CDKN2A: variants seen among roughly 807,000 people sequenced by gnomAD.
The protein encoded by CDKN2A is cyclin-dependent kinase inhibitor 2A.
In CDKN2A, 3 loss-of-function variants were observed where a neutral mutation model predicts 11.1. That is an observed-to-expected ratio of 0.27 (90% CI 0.12 to 0.70). CDKN2A has a LOEUF of 0.70. CDKN2A is among the 30% of genes least tolerant of loss of function. CDKN2A has a pLI of 0.77. For synonymous variants in CDKN2A, 122 were observed against 108.1 expected, an observed-to-expected ratio of 1.13 and a Z score of -0.80; for missense variants, 265 against 233.6, an observed-to-expected ratio of 1.13 and a Z score of -0.88.
rs564333206 is a variant in CDKN2A at position 21,987,125 on chromosome 9, T to C, written c.-4+6757A>G. Among the ~76,000 whole-genome samples the C allele has an allele frequency of 5.3e-5, 8 of 152,168 alleles. No individual in the cohort carries two copies. The East Asian group carries it at 1.2e-3, about 22-fold the overall frequency. On this transcript the variant is annotated intron_variant, in intron 2 of 3. Transcript: ENST00000494262. ...AAAGGCATGATATTTTAGTTTTTCT[T>C]ATAATTGTTACTTTTTAGCTTACAT... is the stretch of plus-strand genomic sequence containing the variant.
chr9:21,978,999 T>C (rs1357016910), upstream of CDKN2A, among the ~76,000 whole-genome samples: 1 of 152,122 alleles, frequency 6.6e-6, no homozygotes, highest in Admixed American at 6.6e-5. Flanking sequence ...AAGAGCAAAA[T>C]AAAGCACAGA....
At position 21,984,662 on chromosome 9, in the gene CDKN2A, A is replaced by C. The variant is rs3731217; in HGVS notation, c.-4+9220T>G. Among the ~76,000 whole-genome samples the C allele has an allele frequency of 0.12, 18,785 of 151,962 alleles. 1,273 individuals are homozygous for C. Among genetic ancestry groups the C allele is most frequent in the East Asian group, 0.19 (1,008 of 5,176 alleles). On this transcript the variant is annotated intron_variant, in intron 2 of 3. Transcript: ENST00000494262. ...AATAATAATGTATTCGGTTTTCACT[A>C]CTGGGAGTGGAGGTTTAATATTCAT...
At chr9:21,970,731 C>T in intron 2 of CDKN2A, 171 bp downstream of exon 2, 1 of 793,574 alleles carries the variant, frequency 1.3e-6, no homozygotes, top group Non-Finnish European at 2.0e-6. Flanking sequence ...TCCCATTTGC[C>T]GCCCTGGCGG....
At chr9:21,977,924 A>C (rs1227660948), upstream of CDKN2A, among the ~76,000 whole-genome samples, 1 of 152,138 alleles carries the variant, frequency 6.6e-6, no homozygotes, top group African/African-American at 2.4e-5. Context: ...AGAAGATGGG[A>C]GATGCAACCA....
intron 2 of CDKN2A, 176 bp downstream of exon 2, chr9:21,970,726 T>G: frequency 1.3e-6 from 1 of 755,808 alleles, no homozygotes; most frequent in Non-Finnish European, 2.2e-6. Context: ...TTATTTCCCA[T>G]TTGCCGCCCT....
In CDKN2A at chr9:21,970,951, GC is replaced by G. The variant is rs749588877; in HGVS notation, c.407del (p.Gly136AlafsTer10). The G allele has an allele frequency of 6.2e-7, 1 of 1,611,898 alleles. No individual in the cohort carries two copies. On this transcript the variant is annotated frameshift_variant, in exon 2 of 3. Transcript: ENST00000304494. LOFTEE classifies it low-confidence loss of function (END_TRUNC). ...TGCGGGCATGGTTACTGCCTCTGGTGCCCCCCGCAGCCGCGCGCAGGTACCG... is the reference window on the plus strand; with the variant it reads ...TGCGGGCATGGTTACTGCCTCTGGTGCCCCCGCAGCCGCGCGCAGGTACCG... ...VARYLRAAAG[G>X]TRGSNHARID...
intron 1 of CDKN2A, 53 bp from the exon 2 acceptor site, chr9:21,971,261 A>G (rs1819733111): frequency 6.4e-7 from 1 of 1,568,130 alleles, no homozygotes; most frequent in Non-Finnish European, 8.6e-7. Flanking sequence ...GCATGACGGA[A>G]AGGAAGCTTG....
chr9:21,973,185 G>A (rs1397646176), intron 1 of CDKN2A, among the ~76,000 whole-genome samples: 1 of 152,060 alleles, frequency 6.6e-6, no homozygotes, highest in Non-Finnish European at 1.5e-5. Context: ...AATCTAAAAA[G>A]TAACCCATAT....
rs1819511238 is a variant in CDKN2A at position 21,968,332 on chromosome 9, G to A, written c.458-90C>T. The A allele has an allele frequency of 5.8e-6, 9 of 1,549,200 alleles. No individual in the cohort carries two copies. Among genetic ancestry groups the A allele is most frequent in the Admixed American group, 1.7e-5 (1 of 58,028 alleles). On this transcript the variant is annotated intron_variant, in intron 2 of 2. Transcript: ENST00000304494. This position sits in a 1 kb window ranked among gnomAD's most constrained non-coding sequence, Gnocchi z 4.7. ...CCCTCCTCTCTTGCCGTCCCTACCG[G>A]CATTGAAATACTTATGGATAAAGTT...
chr9:21,990,685 A>C (rs1466596321), intron 2 of CDKN2A, among the ~76,000 whole-genome samples: 1 of 139,014 alleles, frequency 7.2e-6, no homozygotes, highest in African/African-American at 2.6e-5. Flanking sequence ...GCTTTAAAAA[A>C]ACCTGACTTT....
intron 2 of CDKN2A, among the ~76,000 whole-genome samples, chr9:21,990,265 T>C (rs1218415212): frequency 6.6e-6 from 1 of 151,846 alleles, no homozygotes; most frequent in African/African-American, 2.4e-5. Flanking sequence ...GATTTATGGG[T>C]TTTAAAATGG....
At chr9:21,992,939 TA>T (rs894410578) in intron 2 of CDKN2A, among the ~76,000 whole-genome samples, 54 of 152,060 alleles carry the variant, frequency 3.6e-4, no homozygotes, top group Non-Finnish European at 5.9e-5. Context: ...TTGACTAAAT[TA>T]AAAAAATTAA....
At chr9:21,987,626 G>GT (rs1441728802) in intron 2 of CDKN2A, among the ~76,000 whole-genome samples, 1 of 151,898 alleles carries the variant, frequency 6.6e-6, no homozygotes, top group African/African-American at 2.4e-5. Context: ...TAAAAATGTG[G>GT]TATCTACAAG....
chr9:21,971,526 T>C, intron 1 of CDKN2A: 1 of 418,520 alleles, frequency 2.4e-6, no homozygotes, highest in Non-Finnish European at 4.0e-6. Context: ...GTATTTCCCC[T>C]GAGATACAAC....
chr9:21,974,287 G>A lies in CDKN2A; in HGVS notation c.150+391C>T, dbSNP rs1011335119. 3.8e-5 allele frequency: 26 copies of A among 692,016 alleles called. No homozygotes were observed. In the African/African-American group the frequency reaches 3.8e-4, roughly 10 times the overall value. 42.9% of individuals were successfully genotyped at this position (692,016 alleles called of 1,614,324 possible). On this transcript the variant is annotated intron_variant, in intron 1 of 2. Transcript: ENST00000304494. The surrounding 1 kb of genome is among the most constrained non-coding windows in gnomAD (Gnocchi z 5.2). ...TAATCCCTCCTAGTAAGAAAGATAA[G>A]CTCCATCCAGGTATCTGTGAATTGG... is the stretch of plus-strand genomic sequence containing the variant.
intron 2 of CDKN2A, among the ~76,000 whole-genome samples, chr9:21,984,763 T>C (rs1270227108): frequency 3.3e-5 from 5 of 151,976 alleles, no homozygotes; most frequent in Admixed American, 3.3e-4. Flanking sequence ...GCTTTTCTCA[T>C]CAAATGGAGA....
At chr9:21,982,244 T>G (rs556395977) in intron 2 of CDKN2A, among the ~76,000 whole-genome samples, 1 of 152,292 alleles carries the variant, frequency 6.6e-6, no homozygotes, top group African/African-American at 2.4e-5. Context: ...TCCAAAATGT[T>G]AACTGGGTAT....
chr9:21,984,516 C>G (rs1006641970), intron 2 of CDKN2A, among the ~76,000 whole-genome samples: 1 of 152,030 alleles, frequency 6.6e-6, no homozygotes, highest in Non-Finnish European at 1.5e-5. Context: ...ATTTTCCCCT[C>G]TCAAATATGC....
chr9:21,972,660 T>A (rs1248948368), intron 1 of CDKN2A, among the ~76,000 whole-genome samples: 1 of 152,234 alleles, frequency 6.6e-6, no homozygotes, highest in Non-Finnish European at 1.5e-5. Context: ...AGTAGGAAAC[T>A]AAAACACTTC....
Sources: allele counts gnomAD v4.1 joint callset (sites outside exome capture counted in the v4.1 genomes callset), GRCh38; gene constraint gnomAD v4.1.1; non-coding constraint Gnocchi (gnomAD v3.1); transcripts MANE v1.5; gene names NCBI Gene and HGNC (gene_info 2026-07-23, HGNC 2026-07-21).